The following STRN variants were observed in gnomAD, a reference collection of about 807,000 sequenced individuals.
The protein encoded by STRN is striatin.
Under a neutral mutation model 96.3 loss-of-function variants are expected in STRN, and 53 were observed. That is an observed-to-expected ratio of 0.55 (90% CI 0.44 to 0.69). STRN has a LOEUF of 0.69. STRN is among the 30% of genes least tolerant of loss of function. The pLI, the probability that STRN is intolerant of heterozygous loss-of-function variation, is 0.00. For missense variants in STRN, 987 were observed against 963.9 expected (o/e 1.02, Z -0.32); for synonymous variants, 428 against 355.9 (o/e 1.20, Z -2.28).
At chr2:36,955,973 C>T (rs1345441702) in intron 1 of STRN, among the ~76,000 whole-genome samples, 1 of 152,134 alleles carries the variant, frequency 6.6e-6, no homozygotes, top group East Asian at 1.9e-4. Flanking sequence ...GAAAAAGCAC[C>T]TGCTTTTTCA....
At position 36,891,490 on chromosome 2, in the gene STRN, A is replaced by G. The variant is rs1200172645; in HGVS notation, c.931+2408T>C. Among the ~76,000 whole-genome samples the G allele has an allele frequency of 2.0e-5, 3 of 152,008 alleles. No homozygotes were observed. The East Asian group carries it at 5.8e-4, about 29-fold the overall frequency. On this transcript the variant is annotated intron_variant, in intron 7 of 17. Coordinates refer to ENST00000263918, the MANE Select transcript of STRN (RefSeq NM_003162.4). ...CAGTGAGCCAAGATTGCACCACTGCACTCTAGCCTGGGCAACAGAGTGAGA... is the reference window on the plus strand; with the variant it reads ...CAGTGAGCCAAGATTGCACCACTGCGCTCTAGCCTGGGCAACAGAGTGAGA...
At chr2:36,850,566 T>C (rs1056979718) in intron 16 of STRN, among the ~76,000 whole-genome samples, 1 of 152,200 alleles carries the variant, frequency 6.6e-6, no homozygotes, top group Admixed American at 6.5e-5. Context: ...TATTTGGTAA[T>C]GGAATAATTG....
chr2:36,944,178 T>C (rs538690740), intron 1 of STRN, among the ~76,000 whole-genome samples: 24 of 152,232 alleles, frequency 1.6e-4, no homozygotes, highest in East Asian at 7.7e-4. Flanking sequence ...TAACAGACAG[T>C]TGAAAATACA....
intron 4 of STRN, 21 bp from the exon 5 acceptor site, chr2:36,902,772 G>C (rs1669722017): frequency 6.4e-7 from 1 of 1,568,730 alleles, no homozygotes; most frequent in Non-Finnish European, 8.7e-7. Flanking sequence ...AGAATCCTTA[G>C]AGTTCAGTCA....
chr2:36,924,817 G>A (rs1357662054), intron 2 of STRN, among the ~76,000 whole-genome samples: 18 of 152,162 alleles, frequency 1.2e-4, no homozygotes, highest in Admixed American at 1.2e-3. Context: ...AGCACTTTAG[G>A]AGGCCGAGGT....
intron 1 of STRN, among the ~76,000 whole-genome samples, chr2:36,928,011 T>C (rs1670461022): frequency 6.6e-6 from 1 of 152,114 alleles, no homozygotes; most frequent in Non-Finnish European, 1.5e-5. Flanking sequence ...GAAAGAAAAT[T>C]AGGACCTGAA....
chr2:36,856,768 G>T (rs192180934), intron 14 of STRN, among the ~76,000 whole-genome samples: 2 of 152,152 alleles, frequency 1.3e-5, no homozygotes, highest in Non-Finnish European at 2.9e-5. Context: ...TTGGAGATAC[G>T]GCCTGGCGGG....
chr2:36,896,216 G>A (rs1326954279), intron 6 of STRN, among the ~76,000 whole-genome samples: 1 of 152,096 alleles, frequency 6.6e-6, no homozygotes, highest in Non-Finnish European at 1.5e-5. Flanking sequence ...TTAAATATTA[G>A]GTATTAAGTA....
At chr2:36,962,695 G>T (rs192256425) in intron 1 of STRN, among the ~76,000 whole-genome samples, 3 of 152,110 alleles carry the variant, frequency 2.0e-5, no homozygotes, top group African/African-American at 7.2e-5. Context: ...TTTTAGCAGA[G>T]ACAAGGTTTC....
chr2:36,893,847 ATTTCT>A (rs775471456), intron 7 of STRN, 46 bp downstream of exon 7: 1 of 1,543,374 alleles, frequency 6.5e-7, no homozygotes, highest in Non-Finnish European at 8.7e-7. Flanking sequence ...TAAAATATTA[ATTTCT>A]TTTATTTACT....
chr2:36,883,332 C>T (rs1160939199), intron 9 of STRN, among the ~76,000 whole-genome samples: 1 of 152,132 alleles, frequency 6.6e-6, no homozygotes, highest in African/African-American at 2.4e-5. Context: ...CGGCAGGTGC[C>T]TGTAATCTCA....
intron 4 of STRN, among the ~76,000 whole-genome samples, chr2:36,904,174 A>T (rs1179651274): frequency 1.3e-5 from 2 of 152,270 alleles, no homozygotes; most frequent in African/African-American, 2.4e-5. Context: ...ATTTAAGATC[A>T]AAGTGTGGGC....
In STRN at chr2:36,846,278, A is replaced by G. The variant is rs1258487421; in HGVS notation, c.*3178T>C. ...CAGTAATTTAAACACTTAGAACTAT[A>G]TATTATACTGCAAAAGCAAACAGCA... On this transcript the variant is annotated 3_prime_UTR_variant, in exon 18 of 18. Transcript: ENST00000263918. The G allele has an allele frequency of 6.7e-6, 1 of 148,454 alleles. No individual in the cohort carries two copies. Among genetic ancestry groups the G allele is most frequent in the Non-Finnish European group, 1.5e-5 (1 of 67,264 alleles). 9.2% of individuals were successfully genotyped at this position (148,454 alleles called of 1,614,324 possible). A position where few individuals can be genotyped will look rare whatever the true frequency, so the allele number is the denominator to read the frequency against.
chr2:36,921,901 T>C (rs952487796), intron 2 of STRN, among the ~76,000 whole-genome samples: 24 of 152,286 alleles, frequency 1.6e-4, no homozygotes, highest in African/African-American at 5.5e-4. Context: ...TATTTCCAGA[T>C]TGGATCCTGG....
chr2:36,895,518 G>T (rs776101994), intron 6 of STRN, among the ~76,000 whole-genome samples: 2 of 152,074 alleles, frequency 1.3e-5, no homozygotes, highest in African/African-American at 4.8e-5. Context: ...GTGGCAGACT[G>T]GGAACAGAAA....
chr2:36,920,480 A>C (rs1015588820), intron 2 of STRN, among the ~76,000 whole-genome samples: 6 of 152,052 alleles, frequency 3.9e-5, no homozygotes, highest in African/African-American at 1.4e-4. Flanking sequence ...CTCTAACAAA[A>C]ATACAAAATT....
intron 1 of STRN, among the ~76,000 whole-genome samples, chr2:36,926,880 T>C (rs1470896317): frequency 6.6e-6 from 1 of 152,196 alleles, no homozygotes; most frequent in Non-Finnish European, 1.5e-5. Flanking sequence ...GACACATGCA[T>C]TTAAAGCTGA....
intron 1 of STRN, among the ~76,000 whole-genome samples, chr2:36,948,547 A>T (rs890671238): frequency 6.6e-6 from 1 of 152,160 alleles, no homozygotes; most frequent in Non-Finnish European, 1.5e-5. Context: ...ATACCGTGAT[A>T]GGTGTTGGAG....
At chr2:36,888,044 G>T (rs960665465) in intron 7 of STRN, among the ~76,000 whole-genome samples, 7 of 151,954 alleles carry the variant, frequency 4.6e-5, no homozygotes, top group Non-Finnish European at 8.8e-5. Flanking sequence ...CCATCCAAAG[G>T]GTTCCCCACC....
Sources: allele counts gnomAD v4.1 joint callset (sites outside exome capture counted in the v4.1 genomes callset), GRCh38; gene constraint gnomAD v4.1.1; transcripts MANE v1.5; gene names NCBI Gene and HGNC (gene_info 2026-07-23, HGNC 2026-07-21).